Variants in ZNF729 observed in about 807,000 individuals in gnomAD.
The protein encoded by ZNF729 is zinc finger protein 729.
ZNF729 carries 15 observed loss-of-function variants against 12.2 expected under a neutral mutation model. The ratio of observed to expected loss-of-function variants is 1.23; its 90% CI spans 0.82 to 1.89. The LOEUF (loss-of-function observed/expected upper bound fraction) is 1.89. ZNF729 is among the 40% of genes most tolerant of loss of function. The probability of loss-of-function intolerance (pLI) is 0.00; values close to 1 mark genes in which losing one functional copy is unlikely to be tolerated. For synonymous variants in ZNF729, 492 were observed against 476.3 expected (o/e 1.03, Z -0.43); for missense variants, 1,540 against 1,456.7 (o/e 1.06, Z -0.93).
At chr19:22,302,218 C>T (rs1056268396) in intron 1 of ZNF729, among the ~76,000 whole-genome samples, 36 of 152,292 alleles carry the variant, frequency 2.4e-4, no homozygotes, top group Non-Finnish European at 4.1e-4. Flanking sequence ...GGTCCTGAGA[C>T]TCAAACAGGT....
In ZNF729 at chr19:22,314,252, C is replaced by T; in HGVS notation, c.835C>T (p.Leu279Phe). 6.2e-7 allele frequency: 1 copy of T among 1,608,980 alleles called. No individual in the cohort carries two copies. The highest frequency in any genetic ancestry group is 8.5e-7 in the Non-Finnish European group (1 of 1,178,200). The change falls in exon 4 of 4, where the codon CTT becomes TTT. Residue 279 changes from leucine to phenylalanine, a missense_variant. Leu to Phe is a conservative substitution (Grantham distance 22). Transcript: ENST00000601693. ...CAAAGCTTTTAACCAGTCCTCAAATCTTACTGACCATAAGAGAATTCATAC... is the reference window on the plus strand; with the variant it reads ...CAAAGCTTTTAACCAGTCCTCAAATTTTACTGACCATAAGAGAATTCATAC... ...CGKAFNQSSN[L>F]TDHKRIHTGE...
At chr19:22,310,083 AATT>A (rs1201879065) in intron 3 of ZNF729, among the ~76,000 whole-genome samples, 1 of 151,966 alleles carries the variant, frequency 6.6e-6, no homozygotes, top group Non-Finnish European at 1.5e-5. Context: ...AGCTTTGCTG[AATT>A]ATTTTATCAT....
chr19:22,309,264 G>T (rs1433628780), intron 3 of ZNF729, among the ~76,000 whole-genome samples: 5 of 152,108 alleles, frequency 3.3e-5, no homozygotes. Context: ...GACCAAGGTG[G>T]TGAAACCCCA....
intron 3 of ZNF729, among the ~76,000 whole-genome samples, chr19:22,306,945 CT>C (rs199745630): frequency 0.015 from 2,309 of 150,962 alleles, 51 homozygotes; most frequent in African/African-American, 0.052. Flanking sequence ...TTTAGCATTT[CT>C]TTTTTTATAT....
intron 3 of ZNF729, among the ~76,000 whole-genome samples, chr19:22,308,783 G>A (rs1968415399): frequency 6.6e-6 from 1 of 152,034 alleles, no homozygotes; most frequent in Admixed American, 6.6e-5. Context: ...TTTGTCAGGT[G>A]TATAGATTGT....
chr19:22,286,696 C>T (rs1968082690), intron 1 of ZNF729, 141 bp downstream of exon 1: 1 of 1,105,454 alleles, frequency 9.0e-7, no homozygotes, highest in Non-Finnish European at 1.4e-6. Flanking sequence ...CGGCCTCAGT[C>T]TCCTTCAGCC....
intron 3 of ZNF729, among the ~76,000 whole-genome samples, chr19:22,307,432 A>G (rs1454535805): frequency 6.7e-6 from 1 of 148,596 alleles, no homozygotes; most frequent in East Asian, 2.0e-4. Flanking sequence ...TTTCTGATCA[A>G]GTGTTATGGA....
chr19:22,303,604 T>G (rs1290863732), intron 1 of ZNF729, among the ~76,000 whole-genome samples, 154 bp from the exon 2 acceptor site: 1 of 152,244 alleles, frequency 6.6e-6, no homozygotes. Flanking sequence ...AGATAATATT[T>G]CTGTGTTGAA....
Position 22,315,107 on chromosome 19 carries a change from G to T in ZNF729, c.1690G>T (p.Val564Leu), listed in dbSNP as rs961092648. 10 of 1,608,894 alleles carry T rather than the reference G, an allele frequency of 6.2e-6. No homozygotes were observed. The African/African-American group carries it at 1.3e-4, about 22-fold the overall frequency. ...KWSSKLTVHK[V>L]IHTGEKPCKC... ...GTCATCAAAACTTACTGTACATAAG[G>T]TAATTCATACTGGAGAGAAACCCTG... Residue 564 changes from valine to leucine, a missense_variant, in exon 4 of 4, where the codon GTA (valine) becomes TTA (leucine). By Grantham distance (32) the Val-to-Leu change is conservative (BLOSUM62 1). Transcript: ENST00000601693.
intron 3 of ZNF729, among the ~76,000 whole-genome samples, chr19:22,311,725 T>A (rs146290563): frequency 6.6e-6 from 1 of 152,208 alleles, no homozygotes. Context: ...CAAGGTATAG[T>A]TTAAATCCAT....
chr19:22,293,492 C>CTCTTTTTTTT (rs1181519048), intron 1 of ZNF729, among the ~76,000 whole-genome samples: 3 of 50,030 alleles, frequency 6.0e-5, no homozygotes, highest in Non-Finnish European at 1.1e-4. Context: ...AGCCTTTTGT[C>CTCTTTTTTTT]TATTTTTTTT....
At chr19:22,292,110 G>A (rs1968163784) in intron 1 of ZNF729, among the ~76,000 whole-genome samples, 1 of 151,862 alleles carries the variant, frequency 6.6e-6, no homozygotes, top group Admixed American at 6.6e-5. Flanking sequence ...AATTGTGTCG[G>A]GGGGTTGGTG....
At chr19:22,310,430 A>C (rs1323918274) in intron 3 of ZNF729, among the ~76,000 whole-genome samples, 1 of 152,068 alleles carries the variant, frequency 6.6e-6, no homozygotes, top group Non-Finnish European at 1.5e-5. Context: ...GATTTTGTTG[A>C]ATACTTTTTC....
At chr19:22,307,107 A>G (rs1213486529) in intron 3 of ZNF729, among the ~76,000 whole-genome samples, 1 of 151,800 alleles carries the variant, frequency 6.6e-6, no homozygotes, top group Non-Finnish European at 1.5e-5. Flanking sequence ...ATAGAAAGCT[A>G]TATATTTATA....
chr19:22,297,068 T>G (rs561264223), intron 1 of ZNF729, among the ~76,000 whole-genome samples: 1 of 152,294 alleles, frequency 6.6e-6, no homozygotes, highest in South Asian at 2.1e-4. Flanking sequence ...TGTTTTTAGA[T>G]GGAGAGTTCT....
Position 22,316,071 on chromosome 19 carries a change from G to T in ZNF729, c.2654G>T (p.Cys885Phe), listed in dbSNP as rs1968535247. The change falls in exon 4 of 4, where the codon TGT (cysteine) becomes TTT (phenylalanine). Residue 885 changes from cysteine to phenylalanine, a missense_variant. By Grantham distance (205) the Cys-to-Phe change is radical. Transcript: ENST00000601693. ...SGEKPYKCEECGKAFKWLSKL... is the reference protein window; with the variant it reads ...SGEKPYKCEEFGKAFKWLSKL... ...GAGAAACCATACAAATGTGAAGAAT[G>T]TGGTAAAGCTTTTAAGTGGTTGTCA... 6.2e-7 allele frequency: 1 copy of T among 1,610,408 alleles called. No individual in the cohort carries two copies. Among genetic ancestry groups the T allele is most frequent in the African/African-American group, 1.3e-5 (1 of 74,822 alleles).
Position 22,314,202 on chromosome 19 carries a change from C to T in ZNF729, c.785C>T (p.Thr262Ile), listed in dbSNP as rs1968488860. 1.9e-6 allele frequency: 3 copies of T among 1,598,548 alleles called. No individual in the cohort carries two copies. The South Asian group carries it at 3.3e-5, about 18-fold the overall frequency. The change falls in exon 4 of 4, where the codon ACA (threonine) becomes ATA (isoleucine). Residue 262 changes from threonine to isoleucine, a missense_variant. Thr to Ile is a moderately conservative substitution (Grantham distance 89). Transcript: ENST00000601693. The stretch of plus-strand genomic sequence containing the variant: ...CATAAGAGAATTCATACTGGAGAGA[C>T]ACCTTTCAGATGTGAAGAATGTGGC... ...TKHKRIHTGE[T>I]PFRCEECGKA...
At chr19:22,307,304 C>G (rs1435182346) in intron 3 of ZNF729, among the ~76,000 whole-genome samples, 2 of 142,282 alleles carry the variant, frequency 1.4e-5, no homozygotes, top group African/African-American at 2.6e-5. Context: ...CTGTGCGTGT[C>G]CACAATGTAG....
In ZNF729 at chr19:22,299,376, T is replaced by G. The variant is rs1272137335; in HGVS notation, c.31-4382T>G. On this transcript the variant is annotated intron_variant, in intron 1 of 3. Coordinates refer to ENST00000601693, the MANE Select transcript of ZNF729 (RefSeq NM_001242680.2). ...TCCCGAGTAGCTGGGACTACAGGCTTGTGCCACCAAGCCTGGCTAATTTTT... is the reference window on the plus strand; with the variant it reads ...TCCCGAGTAGCTGGGACTACAGGCTGGTGCCACCAAGCCTGGCTAATTTTT... Among the ~76,000 whole-genome samples, 5 of 152,040 alleles carry G rather than the reference T, an allele frequency of 3.3e-5. No individual in the cohort carries two copies. The East Asian group carries it at 9.7e-4, about 29-fold the overall frequency.
Sources: gnomAD v4.1 joint callset for allele counts (sites outside exome capture counted in the v4.1 genomes callset) on GRCh38, gnomAD v4.1.1 for gene constraint, MANE v1.5 for transcripts, NCBI Gene and HGNC (gene_info 2026-07-23, HGNC 2026-07-21) for gene names.